WWC2: variants seen among roughly 807,000 people sequenced by gnomAD.
WWC2 encodes the protein protein WWC2.
Under a neutral mutation model 138.5 loss-of-function variants are expected in WWC2, and 101 were observed. The observed-to-expected ratio is 0.73, with a 90% CI of 0.62 to 0.86. The LOEUF is 0.86. Ranked by LOEUF, WWC2 falls within the 40% of genes least tolerant of loss-of-function variation. The probability of loss-of-function intolerance (pLI) is 0.00; values close to 1 mark genes in which losing one functional copy is unlikely to be tolerated. For synonymous variants in WWC2, 558 were observed against 538.4 expected (o/e 1.04, Z -0.50); for missense variants, 1,420 against 1,419.4 (o/e 1.00, Z -0.01).
intron 1 of WWC2, among the ~76,000 whole-genome samples, chr4:183,150,178 T>TAG (rs1733599618): frequency 6.6e-6 from 1 of 152,254 alleles, no homozygotes; most frequent in South Asian, 2.1e-4. Flanking sequence ...ATGGACTCTG[T>TAG]ACCTGTCCAT....
At chr4:183,285,733 C>G (rs1738226673) in intron 19 of WWC2, among the ~76,000 whole-genome samples, 1 of 151,940 alleles carries the variant, frequency 6.6e-6, no homozygotes, top group African/African-American at 2.4e-5. Flanking sequence ...GCACTCCAGC[C>G]TGGGTGACAG....
At chr4:183,210,677 A>C (rs955027690) in intron 4 of WWC2, among the ~76,000 whole-genome samples, 1 of 152,232 alleles carries the variant, frequency 6.6e-6, no homozygotes, top group African/African-American at 2.4e-5. Flanking sequence ...GAGTATACTA[A>C]TGCAAGCCCG....
In WWC2 at chr4:183,286,087, T is replaced by C. The variant is rs1580149558; in HGVS notation, c.3141+28T>C. 15 of 1,546,014 alleles carry C rather than the reference T, an allele frequency of 9.7e-6. 1 individual carries two copies. The East Asian group carries it at 3.4e-4, about 35-fold the overall frequency. ...ATGTATTCCCTCAGCCACGTCCCACTGTCCCTGGACCAGTCCAGAATTGTC... is the reference window on the plus strand; with the variant it reads ...ATGTATTCCCTCAGCCACGTCCCACCGTCCCTGGACCAGTCCAGAATTGTC... On this transcript the variant is annotated intron_variant, in intron 20 of 22. Transcript: ENST00000403733.
intron 4 of WWC2, among the ~76,000 whole-genome samples, chr4:183,231,734 C>T (rs1736252974): frequency 6.6e-6 from 1 of 152,070 alleles, no homozygotes; most frequent in African/African-American, 2.4e-5. Flanking sequence ...TGTTGTCCAG[C>T]TTGGACTCAA....
chr4:183,211,827 A>AT (rs777315496), intron 4 of WWC2, among the ~76,000 whole-genome samples: 2,981 of 140,626 alleles, frequency 0.021, 94 homozygotes, highest in African/African-American at 0.069. Context: ...TATCTTTTGG[A>AT]TTTTTTTTTT....
intron 4 of WWC2, among the ~76,000 whole-genome samples, chr4:183,215,670 C>T (rs1735734901): frequency 6.6e-6 from 1 of 152,034 alleles, no homozygotes; most frequent in African/African-American, 2.4e-5. Context: ...TGAGTTTGGC[C>T]TCCTTTTCTA....
At chr4:183,295,157 T>A (rs1738593766) in intron 21 of WWC2, among the ~76,000 whole-genome samples, 1 of 152,210 alleles carries the variant, frequency 6.6e-6, no homozygotes, top group Non-Finnish European at 1.5e-5. Context: ...CACCTCCTAA[T>A]GAAATCCTTC....
chr4:183,106,966 A>G (rs1193519522), intron 1 of WWC2, among the ~76,000 whole-genome samples: 1 of 152,066 alleles, frequency 6.6e-6, no homozygotes, highest in Non-Finnish European at 1.5e-5. Flanking sequence ...GCTGGGTCAT[A>G]TGGCAGTTCT....
At chr4:183,295,431 A>G (rs1226316292) in intron 21 of WWC2, among the ~76,000 whole-genome samples, 2 of 152,240 alleles carry the variant, frequency 1.3e-5, no homozygotes, top group Non-Finnish European at 2.9e-5. Flanking sequence ...TACAGCCTGT[A>G]AAACGTGATG....
At chr4:183,305,787 T>C (rs1297859957) in intron 21 of WWC2, among the ~76,000 whole-genome samples, 3 of 152,120 alleles carry the variant, frequency 2.0e-5, no homozygotes, top group Non-Finnish European at 4.4e-5. Flanking sequence ...AAAAGGAAAA[T>C]GATATGTTAG....
intron 1 of WWC2, among the ~76,000 whole-genome samples, chr4:183,147,051 C>G (rs1733482517): frequency 6.6e-6 from 1 of 152,168 alleles, no homozygotes; most frequent in Non-Finnish European, 1.5e-5. Context: ...TAGGGTTGAG[C>G]TGAGGCCCAA....
intron 9 of WWC2, among the ~76,000 whole-genome samples, chr4:183,255,407 G>A (rs530443639): frequency 6.6e-6 from 1 of 152,282 alleles, no homozygotes; most frequent in South Asian, 2.1e-4. Context: ...TTACCCTGAT[G>A]TGTCTAAATT....
At chr4:183,143,024 T>C (rs1238697952) in intron 1 of WWC2, among the ~76,000 whole-genome samples, 1 of 152,186 alleles carries the variant, frequency 6.6e-6, no homozygotes, top group Non-Finnish European at 1.5e-5. Context: ...CAGAAGAGAA[T>C]CACCAGATAG....
Position 183,259,703 on chromosome 4 carries a change from A to C in WWC2, c.1261A>C (p.Thr421Pro), listed in dbSNP as rs1246742757. 4.5e-6 allele frequency: 7 copies of C among 1,547,316 alleles called. No homozygotes were observed. Among genetic ancestry groups the C allele is most frequent in the Non-Finnish European group, 6.1e-6 (7 of 1,145,720 alleles). ...ACTTGAAGAAACTACTAAATTAACT[A>C]CTTATTTGCATTCACAACTTAAAAG... ...QKLEETTKLT[T>P]YLHSQLKSLS... Residue 421 changes from threonine to proline, a missense_variant, in exon 10 of 23, where the codon ACT becomes CCT. Thr to Pro is a conservative substitution (Grantham distance 38). Coordinates refer to ENST00000403733, the MANE Select transcript of WWC2 (RefSeq NM_024949.6).
intron 1 of WWC2, among the ~76,000 whole-genome samples, chr4:183,186,813 C>A (rs1190977836): frequency 6.6e-6 from 1 of 152,044 alleles, no homozygotes; most frequent in East Asian, 1.9e-4. Flanking sequence ...CAAACTAATT[C>A]TCGTTGGTAC....
chr4:183,133,704 C>T (rs1171947605), intron 1 of WWC2, among the ~76,000 whole-genome samples: 3 of 152,250 alleles, frequency 2.0e-5, no homozygotes, highest in East Asian at 1.9e-4. Context: ...ACCGTGTTGG[C>T]CAGGCTGGTC....
chr4:183,200,850 T>C (rs1735276489), intron 2 of WWC2, among the ~76,000 whole-genome samples: 1 of 152,154 alleles, frequency 6.6e-6, no homozygotes, highest in Admixed American at 6.5e-5. Context: ...AGAAGTAATA[T>C]CTTGTCACTT....
At chr4:183,173,387 C>T (rs1274841087) in intron 1 of WWC2, among the ~76,000 whole-genome samples, 5 of 152,014 alleles carry the variant, frequency 3.3e-5, no homozygotes, top group Non-Finnish European at 7.4e-5. Context: ...TGTTCTATCT[C>T]TCTGAATATG....
At chr4:183,111,293 C>A (rs1732223489) in intron 1 of WWC2, among the ~76,000 whole-genome samples, 1 of 152,118 alleles carries the variant, frequency 6.6e-6, no homozygotes, top group Non-Finnish European at 1.5e-5. Context: ...ACGTTGCATA[C>A]TTTATTGACA....
Sources: allele counts gnomAD v4.1 joint callset (sites outside exome capture counted in the v4.1 genomes callset), GRCh38; gene constraint gnomAD v4.1.1; transcripts MANE v1.5; gene names NCBI Gene and HGNC (gene_info 2026-07-23, HGNC 2026-07-21).